Variants in PTPRD observed in about 807,000 individuals in gnomAD.
PTPRD encodes the protein receptor-type tyrosine-protein phosphatase delta.
Under a neutral mutation model 214.5 loss-of-function variants are expected in PTPRD, and 34 were observed. The observed-to-expected ratio is 0.16, with a 90% CI of 0.12 to 0.21. The LOEUF (loss-of-function observed/expected upper bound fraction) is 0.21, where lower values mean the gene tolerates loss of function less well. Ranked by LOEUF, PTPRD falls within the 10% of genes least tolerant of loss-of-function variation. The probability of loss-of-function intolerance (pLI) is 1.00; values close to 1 mark genes in which losing one functional copy is unlikely to be tolerated. For synonymous variants in PTPRD, 1,128 were observed against 845.7 expected (o/e 1.33, Z -5.79); for missense variants, 2,545 against 2,398.7 (o/e 1.06, Z -1.27).
At chr9:8,432,388 C>T (rs569904061) in intron 35 of PTPRD, among the ~76,000 whole-genome samples, 2 of 152,300 alleles carry the variant, frequency 1.3e-5, no homozygotes, top group South Asian at 2.1e-4. Context: ...CTTTACAGTA[C>T]AGGAAGTGTC....
intron 8 of PTPRD, among the ~76,000 whole-genome samples, chr9:9,502,284 T>A (rs2096443874): frequency 6.6e-6 from 1 of 151,876 alleles, no homozygotes; most frequent in South Asian, 2.1e-4. Flanking sequence ...CTCCCTCTGC[T>A]GAGCCCTTGG....
At chr9:8,340,858 A>C (rs1273257191) in intron 41 of PTPRD, among the ~76,000 whole-genome samples, 4 of 152,142 alleles carry the variant, frequency 2.6e-5, no homozygotes, top group Non-Finnish European at 5.9e-5. Context: ...TTAACTACTT[A>C]CATATCCAAT....
At chr9:9,473,616 C>G (rs2094792544) in intron 8 of PTPRD, among the ~76,000 whole-genome samples, 1 of 152,100 alleles carries the variant, frequency 6.6e-6, no homozygotes, top group African/African-American at 2.4e-5. Flanking sequence ...AGTTCCCTTT[C>G]CTTCACAACT....
chr9:9,015,109 G>T (rs1323994933), intron 11 of PTPRD, among the ~76,000 whole-genome samples: 3 of 151,962 alleles, frequency 2.0e-5, no homozygotes, highest in African/African-American at 7.2e-5. Flanking sequence ...TAACTAGATA[G>T]CTTTTAAAAA....
intron 2 of PTPRD, among the ~76,000 whole-genome samples, chr9:10,434,758 G>A (rs1246531633): frequency 6.6e-6 from 1 of 151,868 alleles, no homozygotes; most frequent in Non-Finnish European, 1.5e-5. Flanking sequence ...AATTTGTTTT[G>A]TCAAAGCTTA....
chr9:8,681,932 C>G (rs1391599870), intron 12 of PTPRD, among the ~76,000 whole-genome samples: 1 of 152,180 alleles, frequency 6.6e-6, no homozygotes, highest in Non-Finnish European at 1.5e-5. Context: ...AGGTGCTGAA[C>G]AACCGACTAC....
chr9:8,711,463 A>G (rs2098331192), intron 12 of PTPRD, among the ~76,000 whole-genome samples: 1 of 152,208 alleles, frequency 6.6e-6, no homozygotes, highest in Admixed American at 6.5e-5. Flanking sequence ...TAAGTCCTTA[A>G]GAAAAACAAC....
chr9:9,497,546 A>C (rs1368564677), intron 8 of PTPRD, among the ~76,000 whole-genome samples: 1 of 152,196 alleles, frequency 6.6e-6, no homozygotes, highest in Non-Finnish European at 1.5e-5. Flanking sequence ...TTTCACAATT[A>C]AAATAAGGGT....
intron 11 of PTPRD, among the ~76,000 whole-genome samples, chr9:8,833,900 A>C (rs1373751477): frequency 1.5e-5 from 2 of 135,810 alleles, no homozygotes; most frequent in Non-Finnish European, 3.3e-5. Context: ...AAATTAACCA[A>C]CTTATGGATA....
intron 7 of PTPRD, among the ~76,000 whole-genome samples, chr9:9,684,260 C>A (rs149112479): frequency 1.5e-4 from 23 of 151,820 alleles, no homozygotes; most frequent in Non-Finnish European, 1.5e-4. Flanking sequence ...TTTAAGTAAT[C>A]TAACCTTATT....
chr9:9,913,175 A>T (rs901885177), intron 5 of PTPRD, among the ~76,000 whole-genome samples: 2 of 152,326 alleles, frequency 1.3e-5, no homozygotes, highest in Admixed American at 1.3e-4. Context: ...ATTCATTTTT[A>T]TGAAAAAAGA....
chr9:10,568,959 A>G (rs981611635), intron 2 of PTPRD, among the ~76,000 whole-genome samples: 1 of 152,154 alleles, frequency 6.6e-6, no homozygotes, highest in African/African-American at 2.4e-5. Context: ...GCACAGCAAA[A>G]GAAACTACCA....
chr9:9,206,278 C>G (rs1211413700), intron 9 of PTPRD, among the ~76,000 whole-genome samples: 1 of 152,064 alleles, frequency 6.6e-6, no homozygotes, highest in Non-Finnish European at 1.5e-5. Context: ...ATAGACCATT[C>G]AAAAGACATT....
chr9:9,419,126 T>TTTACACAC (rs2077881615), intron 8 of PTPRD, among the ~76,000 whole-genome samples: 1 of 69,144 alleles, frequency 1.4e-5, no homozygotes, highest in Non-Finnish European at 2.8e-5. Context: ...ATAGGCCCCT[T>TTTACACAC]ATACACACAC....
chr9:8,987,600 G>A (rs982332813), intron 11 of PTPRD, among the ~76,000 whole-genome samples: 1 of 152,090 alleles, frequency 6.6e-6, no homozygotes, highest in Non-Finnish European at 1.5e-5. Flanking sequence ...ATGTGTGAAT[G>A]CGTTTGTGGG....
At chr9:9,774,508 A>T (rs922877054) in intron 5 of PTPRD, among the ~76,000 whole-genome samples, 1 of 152,324 alleles carries the variant, frequency 6.6e-6, no homozygotes, top group African/African-American at 2.4e-5. Flanking sequence ...CTTACTAGGA[A>T]TTGTAGTTGT....
chr9:8,854,410 A>G (rs2097875756), intron 11 of PTPRD, among the ~76,000 whole-genome samples: 1 of 152,226 alleles, frequency 6.6e-6, no homozygotes, highest in South Asian at 2.1e-4. Context: ...TTCATATGTG[A>G]TTGTGTTAAT....
At chr9:9,307,577 C>G (rs1161682040) in intron 9 of PTPRD, among the ~76,000 whole-genome samples, 2 of 152,100 alleles carry the variant, frequency 1.3e-5, no homozygotes, top group African/African-American at 2.4e-5. Context: ...TTTTTCCATT[C>G]TAACTACTGT....
intron 14 of PTPRD, among the ~76,000 whole-genome samples, chr9:8,592,623 G>A (rs1435431111): frequency 6.6e-6 from 1 of 152,054 alleles, no homozygotes; most frequent in African/African-American, 2.4e-5. Flanking sequence ...TAATAAGCAG[G>A]CTTCCTGATG....
Sources: gnomAD v4.1 joint callset for allele counts (sites outside exome capture counted in the v4.1 genomes callset) on GRCh38, gnomAD v4.1.1 for gene constraint, MANE v1.5 for transcripts, NCBI Gene and HGNC (gene_info 2026-07-23, HGNC 2026-07-21) for gene names.